Variants in SLC25A31 observed in about 807,000 individuals in gnomAD.
The protein encoded by SLC25A31 is solute carrier family 25 member 31.
In SLC25A31, 40 loss-of-function variants were observed where a neutral mutation model predicts 36.2. The observed-to-expected ratio is 1.10, with a 90% CI of 0.86 to 1.44. SLC25A31 has a LOEUF of 1.44. Ranked by LOEUF, SLC25A31 falls within the 40% of genes most tolerant of loss-of-function variation. SLC25A31 has a pLI of 0.00. For missense variants in SLC25A31, 350 were observed against 397.1 expected, an observed-to-expected ratio of 0.88 and a Z score of 1.01; for synonymous variants, 143 against 149.7, an observed-to-expected ratio of 0.96 and a Z score of 0.32.
chr4:127,741,525 T>TGTTGAGCCATCCTTGCATCTGTG (rs1731732572), intron 1 of SLC25A31, among the ~76,000 whole-genome samples: 1 of 152,006 alleles, frequency 6.6e-6, no homozygotes, highest in Non-Finnish European at 1.5e-5. Context: ...CATTTACCCA[T>TGTTGAGCCATCCTTGCATCTGTG]TTGTGCATGT....
At chr4:127,742,448 G>A (rs1211360545) in intron 1 of SLC25A31, among the ~76,000 whole-genome samples, 1 of 152,086 alleles carries the variant, frequency 6.6e-6, no homozygotes, top group Non-Finnish European at 1.5e-5. Context: ...CCTAATTCTT[G>A]CTTTCCCACA....
Position 127,747,038 on chromosome 4 carries a change from C to G in SLC25A31, c.360+2239C>G, listed in dbSNP as rs151107001. 7.5e-3 allele frequency among the ~76,000 whole-genome samples: 1,141 copies of G among 152,218 alleles called. 20 individuals carry two copies. The highest frequency in any genetic ancestry group is 0.026 in the African/African-American group (1,070 of 41,522). On this transcript the variant is annotated intron_variant, in intron 2 of 5. Coordinates refer to ENST00000281154, the MANE Select transcript of SLC25A31 (RefSeq NM_031291.4). ...TATTTATTGAATAAGGAGTCCTTTC[C>G]TCATTGCTTGTTTTTGTCAGCTTTG... is the stretch of plus-strand genomic sequence containing the variant.
chr4:127,770,946 CTTCTTTTTT>C (rs1416409260), intron 5 of SLC25A31, among the ~76,000 whole-genome samples: 6 of 130,638 alleles, frequency 4.6e-5, no homozygotes, highest in African/African-American at 2.0e-4. Context: ...TGTTCTTCTT[CTTCTTTTTT>C]TTTTTTTTTT....
chr4:127,761,672 G>A (rs952056074), intron 2 of SLC25A31, among the ~76,000 whole-genome samples: 1 of 152,038 alleles, frequency 6.6e-6, no homozygotes, highest in African/African-American at 2.4e-5. Context: ...CCTTTCTAAA[G>A]GTCAGAGGTT....
At chr4:127,756,680 A>G (rs1732036406) in intron 2 of SLC25A31, among the ~76,000 whole-genome samples, 1 of 152,246 alleles carries the variant, frequency 6.6e-6, no homozygotes, top group Non-Finnish European at 1.5e-5. Context: ...ATTGTACCCC[A>G]TAAATATATA....
chr4:127,755,212 C>G (rs1388089442), intron 2 of SLC25A31, among the ~76,000 whole-genome samples: 1 of 152,092 alleles, frequency 6.6e-6, no homozygotes, highest in African/African-American at 2.4e-5. Context: ...TGACATTGGT[C>G]TGAGCCATGA....
chr4:127,762,929 A>G (rs1732170546), intron 2 of SLC25A31, among the ~76,000 whole-genome samples: 1 of 152,010 alleles, frequency 6.6e-6, no homozygotes, highest in Non-Finnish European at 1.5e-5. Context: ...GTCTCAAAAA[A>G]AAAAAAAAGA....
intron 2 of SLC25A31, among the ~76,000 whole-genome samples, chr4:127,754,221 T>C (rs1731988459): frequency 6.6e-6 from 1 of 152,110 alleles, no homozygotes; most frequent in Non-Finnish European, 1.5e-5. Flanking sequence ...TTGAAAGCTT[T>C]TTCTCTAAGA....
At chr4:127,738,635 G>A (rs1312253967) in intron 1 of SLC25A31, among the ~76,000 whole-genome samples, 1 of 152,178 alleles carries the variant, frequency 6.6e-6, no homozygotes, top group Non-Finnish European at 1.5e-5. Flanking sequence ...GAATGGTCAA[G>A]TGTGGAATTT....
intron 2 of SLC25A31, among the ~76,000 whole-genome samples, chr4:127,753,843 C>G (rs1578664238): frequency 6.6e-6 from 1 of 152,056 alleles, no homozygotes; most frequent in Admixed American, 6.6e-5. Context: ...ACCAAAGCAC[C>G]AGAGAAGGAC....
At chr4:127,757,222 TTG>T (rs1732047696) in intron 2 of SLC25A31, among the ~76,000 whole-genome samples, 1 of 152,208 alleles carries the variant, frequency 6.6e-6, no homozygotes, top group Non-Finnish European at 1.5e-5. Flanking sequence ...TGGGCATCTG[TTG>T]AACCCATCAA....
At position 127,767,202 on chromosome 4, in the gene SLC25A31, A is replaced by G; in HGVS notation, c.615A>G (p.Gly205=). 1 of 1,601,626 alleles carries G rather than the reference A, an allele frequency of 6.2e-7. No individual in the cohort carries two copies. The highest frequency in any genetic ancestry group is 8.5e-7 in the Non-Finnish European group (1 of 1,174,016). The part of the protein sequence containing the change: ...GIIVYRASYF[G]AYDTVKGLLP... ...TTGTGTACCGAGCCTCTTATTTTGG[A>G]GCTTATGACACAGTTAAGGTAATCT... The change falls in exon 4 of 6, where the codon GGA becomes GGG. Residue 205 remains glycine (G), a synonymous_variant. Transcript: ENST00000281154.
At position 127,773,564 on chromosome 4, in the gene SLC25A31, G is replaced by A. The variant is rs1732409706; in HGVS notation, c.938G>A (p.Gly313Asp). The A allele has an allele frequency of 6.3e-7, 1 of 1,593,510 alleles. No homozygotes were observed. The highest frequency in any genetic ancestry group is 1.4e-5 in the African/African-American group (1 of 73,734). The change falls in exon 6 of 6, where the codon GGT (glycine) becomes GAT (aspartate). Residue 313 changes from glycine (G) to aspartate (D), a missense_variant. Transcript: ENST00000281154. ...AAAGAATTCTTTCATATTGATATTG[G>A]TGGTAGGTAATCGGGAGAGTAAATT... ...KIKEFFHIDI[G>D]GR
At chr4:127,766,537 G>C (rs910664900) in intron 3 of SLC25A31, among the ~76,000 whole-genome samples, 1 of 151,918 alleles carries the variant, frequency 6.6e-6, no homozygotes, top group Admixed American at 6.6e-5. Context: ...TTACTCTGTT[G>C]CCTAGGCTGG....
Position 127,764,286 on chromosome 4 carries a change from C to G in SLC25A31, c.404C>G (p.Ala135Gly). 1 of 1,613,954 alleles carries G rather than the reference C, an allele frequency of 6.2e-7. No individual in the cohort carries two copies. Among genetic ancestry groups the G allele is most frequent in the Non-Finnish European group, 8.5e-7 (1 of 1,179,924 alleles). Residue 135 changes from alanine (A) to glycine (G), a missense_variant, in exon 3 of 6, where the codon GCT becomes GGT. By Grantham distance (60) the Ala-to-Gly change is moderately conservative (BLOSUM62 0). Coordinates refer to ENST00000281154, the MANE Select transcript of SLC25A31 (RefSeq NM_031291.4). ...FLANLASGGA[A>G]GATSLCVVYP... ...GCAAACCTGGCTTCTGGTGGAGCTG[C>G]TGGGGCAACATCCTTATGTGTAGTA... is the stretch of plus-strand genomic sequence containing the variant.
At chr4:127,753,177 A>T (rs1731968560) in intron 2 of SLC25A31, among the ~76,000 whole-genome samples, 1 of 152,204 alleles carries the variant, frequency 6.6e-6, no homozygotes, top group Admixed American at 6.5e-5. Flanking sequence ...GAAGCACAAC[A>T]TAGCAAAACT....
At chr4:127,734,773 A>C (rs961431266) in intron 1 of SLC25A31, among the ~76,000 whole-genome samples, 2 of 152,010 alleles carry the variant, frequency 1.3e-5, no homozygotes, top group African/African-American at 4.8e-5. Flanking sequence ...AGAAAATATT[A>C]GGTATTTTAT....
rs566559933 is a variant in SLC25A31, at chr4:127,760,767, T to C, written c.361-3476T>C. Among the ~76,000 whole-genome samples the C allele has an allele frequency of 3.9e-5, 6 of 152,302 alleles. No individual in the cohort carries two copies. The South Asian group carries it at 6.2e-4, about 16-fold the overall frequency. ...TTTTAACAATATAGTAGGCCAGGCA[T>C]GGTGGCTCACGCCTGTAATCCCAGC... On this transcript the variant is annotated intron_variant, in intron 2 of 5. Coordinates refer to ENST00000281154, the MANE Select transcript of SLC25A31 (RefSeq NM_031291.4).
intron 2 of SLC25A31, among the ~76,000 whole-genome samples, chr4:127,763,807 A>C (rs1298878729): frequency 2.0e-5 from 3 of 152,176 alleles, no homozygotes; most frequent in Admixed American, 6.5e-5. Context: ...TTTTGCCATA[A>C]TACTACTTAC....
Sources: allele counts gnomAD v4.1 joint callset (sites outside exome capture counted in the v4.1 genomes callset), GRCh38; gene constraint gnomAD v4.1.1; transcripts MANE v1.5; gene names NCBI Gene and HGNC (gene_info 2026-07-23, HGNC 2026-07-21).